ITGA1: variants seen among roughly 807,000 people sequenced by gnomAD.
ITGA1 encodes the protein integrin subunit alpha 1.
ITGA1 carries 85 observed loss-of-function variants against 145.9 expected under a neutral mutation model. That is an observed-to-expected ratio of 0.58 (90% CI 0.49 to 0.70). The LOEUF is 0.70. ITGA1 is among the 30% of genes least tolerant of loss of function. The pLI is 0.00. For synonymous variants in ITGA1, 520 were observed against 495.3 expected (o/e 1.05, Z -0.66); for missense variants, 1,351 against 1,418.7 (o/e 0.95, Z 0.77).
intron 2 of ITGA1, 152 bp from the exon 3 acceptor site, chr5:52,861,295 C>A: frequency 1.7e-6 from 1 of 605,160 alleles, no homozygotes; most frequent in African/African-American, 1.9e-5. Context: ...GGTAGGCTCT[C>A]TGCTTAGTTT....
intron 14 of ITGA1, among the ~76,000 whole-genome samples, chr5:52,911,109 T>G (rs964192329): frequency 2.3e-5 from 3 of 133,208 alleles, no homozygotes; most frequent in Non-Finnish European, 3.1e-5. Context: ...AGTGTATATA[T>G]AGTATATAGT....
intron 8 of ITGA1, among the ~76,000 whole-genome samples, chr5:52,891,779 A>G (rs1750155557): frequency 6.6e-6 from 1 of 151,926 alleles, no homozygotes; most frequent in African/African-American, 2.4e-5. Context: ...CCATGTACTT[A>G]TGTGATTTAA....
Position 52,958,542 on chromosome 5 carries a change from A to G in ITGA1, c.*6091A>G, listed in dbSNP as rs1271994169. ...TTTTATACAAGAGAACTCAACATTTACTGTTTTATTTCTGATATTGCCTGC... is the reference window on the plus strand; with the variant it reads ...TTTTATACAAGAGAACTCAACATTTGCTGTTTTATTTCTGATATTGCCTGC... On this transcript the variant is annotated 3_prime_UTR_variant, in exon 29 of 29. Transcript: ENST00000282588. 1 of 152,136 alleles carries G rather than the reference A, an allele frequency of 6.6e-6. No homozygotes were observed. The highest frequency in any genetic ancestry group is 1.9e-4 in the East Asian group (1 of 5,188). 9.4% of individuals were successfully genotyped at this position (152,136 alleles called of 1,614,324 possible).
At position 52,915,509 on chromosome 5, in the gene ITGA1, C is replaced by G; in HGVS notation, c.1903C>G (p.Gln635Glu). Reference protein sequence around the residue: ...GDGKTLKFFGQSIHGEMDLNG... With the variant: ...GDGKTLKFFGESIHGEMDLNG... ...TGGTAAGACACTGAAATTTTTTGGC[C>G]AGTCTATCCACGGAGAAATGGATTT... Residue 635 changes from glutamine (Q) to glutamate (E), a missense_variant, in exon 15 of 29, where the codon CAG becomes GAG. Gln to Glu is a conservative substitution (Grantham distance 29). Transcript: ENST00000282588. 6.2e-7 allele frequency: 1 copy of G among 1,613,936 alleles called. No individual in the cohort carries two copies. Among genetic ancestry groups the G allele is most frequent in the Non-Finnish European group, 8.5e-7 (1 of 1,179,950 alleles).
intron 21 of ITGA1, 80 bp from the exon 22 acceptor site, chr5:52,931,967 C>G (rs1208010712): frequency 7.3e-6 from 6 of 819,944 alleles, no homozygotes; most frequent in South Asian, 1.7e-5. Context: ...CCAGGATAAG[C>G]TTCTCTTTCA....
Position 52,865,644 on chromosome 5 carries a change from G to GA in ITGA1, c.497-39dup, listed in dbSNP as rs758418446. 5.7e-6 allele frequency: 8 copies of GA among 1,408,848 alleles called. No homozygotes were observed. In the East Asian group the frequency reaches 8.3e-5, roughly 15 times the overall value. 87.3% of individuals were successfully genotyped at this position (1,408,848 alleles called of 1,614,324 possible). ...CCATGAAAGCACTTCATATGCCTCT[G>GA]AAAAAAATAGATTCCAAATTTGACA... On this transcript the variant is annotated intron_variant, in intron 5 of 28. Coordinates refer to ENST00000282588, the MANE Select transcript of ITGA1 (RefSeq NM_181501.2).
rs10471819 is a variant in ITGA1 at position 52,821,715 on chromosome 5, C to A, written c.62-27650C>A. Reference sequence around the variant, plus strand: ...TATATAATTGGCCCCAAACTTAGTTCATTTTGCCCTTGTCCCCACAACTAT... The same window carrying A: ...TATATAATTGGCCCCAAACTTAGTTAATTTTGCCCTTGTCCCCACAACTAT... On this transcript the variant is annotated intron_variant, in intron 1 of 28. Coordinates refer to ENST00000282588, the MANE Select transcript of ITGA1 (RefSeq NM_181501.2). 6.7e-3 allele frequency among the ~76,000 whole-genome samples: 1,013 copies of A among 152,252 alleles called. 11 individuals are homozygous for A. Among genetic ancestry groups the A allele is most frequent in the African/African-American group, 0.023 (963 of 41,556 alleles).
Position 52,887,955 on chromosome 5 carries a change from T to G in ITGA1, c.914T>G (p.Phe305Cys). Reference sequence around the variant, plus strand: ...TGTGAAGATGAAAACATTCAACGGTTTTCCATAGCTGTAAGTGTGTTGCCG... The same window carrying G: ...TGTGAAGATGAAAACATTCAACGGTGTTCCATAGCTGTAAGTGTGTTGCCG... ...QDCEDENIQR[F>C]SIAILGSYNR... The change falls in exon 8 of 29, where the codon TTT becomes TGT. Residue 305 changes from phenylalanine to cysteine, a missense_variant. By Grantham distance (205) the Phe-to-Cys change is radical. Coordinates refer to ENST00000282588, the MANE Select transcript of ITGA1 (RefSeq NM_181501.2). The G allele has an allele frequency of 1.2e-6, 2 of 1,613,362 alleles. No individual in the cohort carries two copies. The highest frequency in any genetic ancestry group is 2.2e-5 in the South Asian group (2 of 90,952).
intron 7 of ITGA1, among the ~76,000 whole-genome samples, chr5:52,886,965 G>T (rs1277875013): frequency 6.6e-6 from 1 of 152,136 alleles, no homozygotes; most frequent in Non-Finnish European, 1.5e-5. Flanking sequence ...TTTTAGTAGA[G>T]ACGGGGTTTC....
At chr5:52,800,726 C>A in intron 1 of ITGA1, 1 of 1,614,232 alleles carries the variant, frequency 6.2e-7, no homozygotes, top group Non-Finnish European at 8.5e-7. Flanking sequence ...CGCCAGTTCA[C>A]CCTGGCCAAG....
chr5:52,893,685 G>A lies in ITGA1; in HGVS notation c.935G>A (p.Ser312Asn). Reference sequence around the variant, plus strand: ...TCTGTTGTGTCTTAGATTCTTGGCAGCTATAACCGAGGAAATTTAAGCACT... The same window carrying A: ...TCTGTTGTGTCTTAGATTCTTGGCAACTATAACCGAGGAAATTTAAGCACT... ...IQRFSIAILG[S>N]YNRGNLSTEK... The change falls in exon 9 of 29, where the codon AGC becomes AAC. Residue 312 changes from serine (S) to asparagine (N), a missense_variant. Transcript: ENST00000282588. 1 of 1,612,126 alleles carries A rather than the reference G, an allele frequency of 6.2e-7. No homozygotes were observed. The highest frequency in any genetic ancestry group is 8.5e-7 in the Non-Finnish European group (1 of 1,178,856).
chr5:52,925,165 A>T (rs1750784824), intron 18 of ITGA1, 113 bp from the exon 19 acceptor site: 1 of 712,906 alleles, frequency 1.4e-6, no homozygotes. Flanking sequence ...AATTCTCCTT[A>T]TGAGTTGCTT....
chr5:52,851,889 A>G (rs2111755662), intron 2 of ITGA1, among the ~76,000 whole-genome samples: 1 of 152,316 alleles, frequency 6.6e-6, no homozygotes, highest in East Asian at 1.9e-4. Flanking sequence ...ATTATGCTAA[A>G]TTCCATGGGA....
rs1016003428 is a variant in ITGA1 at position 52,865,097 on chromosome 5, C to A, written c.496+15C>A. 1 of 1,562,734 alleles carries A rather than the reference C, an allele frequency of 6.4e-7. No homozygotes were observed. Among genetic ancestry groups the A allele is most frequent in the Admixed American group, 1.7e-5 (1 of 58,576 alleles). On this transcript the variant is annotated intron_variant, in intron 5 of 28. Transcript: ENST00000282588. ...CCCTGTACAAGGTACAGATTTTATG[C>A]AATGTTCTTGCATGTTTGAAAAGCC...
At chr5:52,856,860 C>T (rs567482761) in intron 2 of ITGA1, among the ~76,000 whole-genome samples, 120 of 152,258 alleles carry the variant, frequency 7.9e-4, no homozygotes, top group African/African-American at 2.8e-3. Context: ...TCCCCTATTG[C>T]CTGGGCTCAT....
chr5:52,896,540 A>T (rs1234234734), intron 9 of ITGA1, among the ~76,000 whole-genome samples: 1 of 152,212 alleles, frequency 6.6e-6, no homozygotes, highest in Non-Finnish European at 1.5e-5. Flanking sequence ...TAAATAACTA[A>T]CAAATAGTTA....
At chr5:52,910,783 A>G (rs1191419569) in intron 14 of ITGA1, among the ~76,000 whole-genome samples, 1 of 145,556 alleles carries the variant, frequency 6.9e-6, no homozygotes, top group Non-Finnish European at 1.5e-5. Flanking sequence ...TACACACTAT[A>G]TATACAAATA....
rs13436924 is a variant in ITGA1 at position 52,817,235 on chromosome 5, C to A, written c.61+28821C>A. ...TTAATATAACAAAAGGGCTGAATAC[C>A]AGAGGTAGAGAAGGAAGTGTCCCAG... is the stretch of plus-strand genomic sequence containing the variant. On this transcript the variant is annotated intron_variant, in intron 1 of 28. Coordinates refer to ENST00000282588, the MANE Select transcript of ITGA1 (RefSeq NM_181501.2). Among the ~76,000 whole-genome samples the A allele has an allele frequency of 6.7e-3, 1,020 of 152,182 alleles. 12 individuals are homozygous for A. Among genetic ancestry groups the A allele is most frequent in the African/African-American group, 0.023 (971 of 41,528 alleles).
intron 17 of ITGA1, among the ~76,000 whole-genome samples, chr5:52,922,507 T>C (rs951436110): frequency 6.6e-6 from 1 of 152,124 alleles, no homozygotes; most frequent in Non-Finnish European, 1.5e-5. Flanking sequence ...CAGCCAAGTG[T>C]GATGTTGCCA....
Sources: gnomAD v4.1 joint callset for allele counts (sites outside exome capture counted in the v4.1 genomes callset) on GRCh38, gnomAD v4.1.1 for gene constraint, MANE v1.5 for transcripts, NCBI Gene and HGNC (gene_info 2026-07-23, HGNC 2026-07-21) for gene names.